PRKACB: variants seen among roughly 807,000 people sequenced by gnomAD.
PRKACB encodes the protein protein kinase cAMP-activated catalytic subunit beta.
A neutral mutation model predicts 51.4 loss-of-function variants in PRKACB; 16 were observed. The ratio of observed to expected loss-of-function variants is 0.31; its 90% CI spans 0.21 to 0.47. The LOEUF (loss-of-function observed/expected upper bound fraction) is 0.47. Ranked by LOEUF, PRKACB falls within the 20% of genes least tolerant of loss-of-function variation. The pLI, the probability that PRKACB is intolerant of heterozygous loss-of-function variation, is 1.00. For missense variants in PRKACB, 309 were observed against 464.5 expected (o/e 0.67, Z 3.08); for synonymous variants, 147 against 154.4 (o/e 0.95, Z 0.35).
chr1:84,108,440 G>A (rs946517642), intron 1 of PRKACB, among the ~76,000 whole-genome samples: 5 of 151,900 alleles, frequency 3.3e-5, no homozygotes, highest in Non-Finnish European at 7.4e-5. Context: ...TGAGTCACAA[G>A]TTTCCCTATA....
intron 7 of PRKACB, among the ~76,000 whole-genome samples, chr1:84,198,766 A>G (rs1668914212): frequency 6.6e-6 from 1 of 150,908 alleles, no homozygotes; most frequent in Admixed American, 6.6e-5. Context: ...ACAACCAAAA[A>G]AAAACCTATA....
chr1:84,208,650 T>C (rs1395741414), intron 8 of PRKACB, among the ~76,000 whole-genome samples: 1 of 152,202 alleles, frequency 6.6e-6, no homozygotes, highest in South Asian at 2.1e-4. Context: ...ACGTTCTTTC[T>C]TTAATTCAAA....
intron 5 of PRKACB, among the ~76,000 whole-genome samples, chr1:84,191,895 G>T (rs985720682): frequency 6.6e-6 from 1 of 152,044 alleles, no homozygotes; most frequent in Non-Finnish European, 1.5e-5. Flanking sequence ...CTTAAGTCAT[G>T]TGAACTAAAA....
At chr1:84,152,108 G>A (rs1376552962) in intron 1 of PRKACB, among the ~76,000 whole-genome samples, 17 of 152,144 alleles carry the variant, frequency 1.1e-4, no homozygotes, top group Non-Finnish European at 1.8e-4. Flanking sequence ...TGAAAACAAC[G>A]TTCATCTCCT....
intron 5 of PRKACB, among the ~76,000 whole-genome samples, chr1:84,187,651 A>C (rs898706441): frequency 1.3e-5 from 2 of 152,170 alleles, no homozygotes; most frequent in Non-Finnish European, 2.9e-5. Flanking sequence ...AGGAACCTAG[A>C]AGAATTTAGG....
chr1:84,151,318 A>T (rs1654835686), intron 1 of PRKACB, among the ~76,000 whole-genome samples: 1 of 152,188 alleles, frequency 6.6e-6, no homozygotes, highest in African/African-American at 2.4e-5. Context: ...AATACTAATG[A>T]TCATCTCAGC....
intron 5 of PRKACB, 107 bp from the exon 6 acceptor site, chr1:84,196,509 T>C: frequency 1.8e-6 from 2 of 1,132,644 alleles, no homozygotes; most frequent in Non-Finnish European, 1.2e-6. Flanking sequence ...AAAAATACTT[T>C]TTGTTCCCAA....
chr1:84,153,043 A>G lies in PRKACB; in HGVS notation c.187+8495A>G, dbSNP rs76554901. Reference sequence around the variant, plus strand: ...AACACTAAGAGGCCATTGTAAGGCTATTGATCGGCGTAATTTCAGTATTGC... The same window carrying G: ...AACACTAAGAGGCCATTGTAAGGCTGTTGATCGGCGTAATTTCAGTATTGC... On this transcript the variant is annotated intron_variant, in intron 1 of 9. Transcript: ENST00000370685. Among the ~76,000 whole-genome samples the G allele has an allele frequency of 0.01, 1,585 of 152,190 alleles. 67 individuals carry two copies. In the East Asian group the frequency reaches 0.15, roughly 14 times the overall value.
intron 9 of PRKACB, among the ~76,000 whole-genome samples, chr1:84,234,785 C>T (rs1047187786): frequency 1.2e-4 from 18 of 152,336 alleles, no homozygotes; most frequent in Admixed American, 9.1e-4. Context: ...GCACACGGTG[C>T]GTGCACCCAC....
Position 84,235,532 on chromosome 1 carries a change from T to C in PRKACB, c.*227T>C. On this transcript the variant is annotated 3_prime_UTR_variant, in exon 10 of 10. Transcript: ENST00000370685. ...GCCATAACACAGTACTAGACCACTT[T>C]CTTACTTCTCTTTGGGTTGTCTTTC... is the stretch of plus-strand genomic sequence containing the variant. 2.3e-6 allele frequency: 1 copy of C among 441,332 alleles called. No homozygotes were observed. The highest frequency in any genetic ancestry group is 3.6e-5 in the South Asian group (1 of 28,032). The allele number at this position is 441,332 out of a possible 1,614,324, so 27.3% of individuals were successfully genotyped here. A position where few individuals can be genotyped will look rare whatever the true frequency, so the allele number is the denominator to read the frequency against.
chr1:84,152,383 C>T (rs918566444), intron 1 of PRKACB, among the ~76,000 whole-genome samples: 6 of 152,126 alleles, frequency 3.9e-5, no homozygotes, highest in Admixed American at 6.6e-5. Context: ...TAGCCCCTAG[C>T]GAGAGTCAGC....
At chr1:84,120,056 T>C (rs1238299315) in intron 1 of PRKACB, among the ~76,000 whole-genome samples, 1 of 152,108 alleles carries the variant, frequency 6.6e-6, no homozygotes, top group Non-Finnish European at 1.5e-5. Flanking sequence ...GTAACTTTCC[T>C]TTTCGGCCTG....
intron 9 of PRKACB, among the ~76,000 whole-genome samples, chr1:84,215,394 A>T (rs1421678300): frequency 6.6e-6 from 1 of 152,198 alleles, no homozygotes; most frequent in Non-Finnish European, 1.5e-5. Context: ...GGTCGTATAA[A>T]TAAATGTAAA....
At chr1:84,088,527 G>C in intron 1 of PRKACB, among the ~76,000 whole-genome samples, 1 of 152,238 alleles carries the variant, frequency 6.6e-6, no homozygotes, top group African/African-American at 2.4e-5. Flanking sequence ...AGAACATGTT[G>C]GTATAGATAT....
Position 84,182,241 on chromosome 1 carries a change from T to A in PRKACB, c.291T>A (p.Leu97=), listed in dbSNP as rs956517305. 2 of 1,596,364 alleles carry A rather than the reference T, an allele frequency of 1.3e-6. No homozygotes were observed. Among genetic ancestry groups the A allele is most frequent in the Non-Finnish European group, 1.7e-6 (2 of 1,169,226 alleles). ...GLEDFERKKT[L]GTGSFGRVML... is the part of the protein sequence containing the mutation. ...AAGATTTTGAAAGGAAAAAAACCCT[T>A]GGAACAGGTTCATTTGGAAGAGTCA... Residue 97 remains leucine (L), a synonymous_variant, in exon 3 of 10, where the codon CTT becomes CTA. Transcript: ENST00000370685.
chr1:84,148,220 T>A (rs1269470263), intron 1 of PRKACB, among the ~76,000 whole-genome samples: 1 of 152,108 alleles, frequency 6.6e-6, no homozygotes, highest in Non-Finnish European at 1.5e-5. Flanking sequence ...TGCCCATACT[T>A]TAGGCATCCT....
chr1:84,115,545 T>A (rs1180192981), intron 1 of PRKACB, among the ~76,000 whole-genome samples: 2 of 151,968 alleles, frequency 1.3e-5, no homozygotes, highest in African/African-American at 2.4e-5. Context: ...TTCATTTGTC[T>A]ATTGGTGTTT....
chr1:84,171,241 GA>G (rs1659383902), intron 1 of PRKACB, among the ~76,000 whole-genome samples: 1 of 151,358 alleles, frequency 6.6e-6, no homozygotes, highest in South Asian at 2.1e-4. Flanking sequence ...CATGATATAA[GA>G]AAACAAGTTT....
At chr1:84,221,471 C>CTT (rs780408317) in intron 9 of PRKACB, among the ~76,000 whole-genome samples, 9 of 150,144 alleles carry the variant, frequency 6.0e-5, no homozygotes, top group Non-Finnish European at 1.2e-4. Flanking sequence ...TATTTCTTTC[C>CTT]TTCTACTAAT....
Sources: allele counts gnomAD v4.1 joint callset (sites outside exome capture counted in the v4.1 genomes callset), GRCh38; gene constraint gnomAD v4.1.1; transcripts MANE v1.5; gene names NCBI Gene and HGNC (gene_info 2026-07-23, HGNC 2026-07-21).